The following ADD1 variants were observed in gnomAD, a reference collection of about 807,000 sequenced individuals.
The protein encoded by ADD1 is adducin 1.
A neutral mutation model predicts 80.5 loss-of-function variants in ADD1; 24 were observed. The observed-to-expected ratio is 0.30, with a 90% CI of 0.22 to 0.42. The LOEUF (loss-of-function observed/expected upper bound fraction) is 0.42. ADD1 is among the 10% of genes least tolerant of loss of function. The probability of loss-of-function intolerance (pLI) is 1.00; values close to 1 mark genes in which losing one functional copy is unlikely to be tolerated. For synonymous variants in ADD1, 373 were observed against 393.8 expected (o/e 0.95, Z 0.63); for missense variants, 948 against 1,019.0 (o/e 0.93, Z 0.95).
rs368083847 is a variant in ADD1 at position 2,925,966 on chromosome 4, T to C, written c.1949-48T>C. 5 of 1,557,374 alleles carry C rather than the reference T, an allele frequency of 3.2e-6. No homozygotes were observed. The African/African-American group carries it at 6.8e-5, about 21-fold the overall frequency. On this transcript the variant is annotated intron_variant, in intron 14 of 15. Transcript: ENST00000683351. Reference sequence around the variant, plus strand: ...TGCCATGGAGGCAGGTACAGGCTCATGGCGTGGCGTCCACAGCTCCTACCA... The same window carrying C: ...TGCCATGGAGGCAGGTACAGGCTCACGGCGTGGCGTCCACAGCTCCTACCA...
In ADD1 at chr4:2,893,961, T is replaced by C. The variant is rs1229145504; in HGVS notation, c.511-52T>C. On this transcript the variant is annotated intron_variant, in intron 4 of 15. Transcript: ENST00000683351. Reference sequence around the variant, plus strand: ...CCGTGAATTTGTAGCCTGAAAGAGATGCAAATAATTTCACTTGGATCTTTG... The same window carrying C: ...CCGTGAATTTGTAGCCTGAAAGAGACGCAAATAATTTCACTTGGATCTTTG... The C allele has an allele frequency of 5.9e-6, 9 of 1,512,968 alleles. 1 individual carries two copies. Among genetic ancestry groups the C allele is most frequent in the Non-Finnish European group, 8.3e-6 (9 of 1,088,166 alleles). 93.7% of individuals were successfully genotyped at this position (1,512,968 alleles called of 1,614,324 possible).
At chr4:2,886,102 C>T (rs1314852569) in intron 4 of ADD1, among the ~76,000 whole-genome samples, 1 of 152,110 alleles carries the variant, frequency 6.6e-6, no homozygotes, top group South Asian at 2.1e-4. Context: ...CTTTTTGTAT[C>T]AAGTGTACCT....
chr4:2,899,270 G>T lies in ADD1; in HGVS notation c.996G>T (p.Leu332=). The change falls in exon 9 of 16, where the codon CTG becomes CTT. Residue 332 remains leucine (L), a synonymous_variant. Coordinates refer to ENST00000683351, the MANE Select transcript of ADD1 (RefSeq NM_001354761.2). ...VVACEIQVRT[L]ASAGGPDNLV... ...GTGTTTTGGAAAAGGTTCGAACTCT[G>T]GCCAGTGCAGGAGGACCAGACAACT... The T allele has an allele frequency of 6.2e-7, 1 of 1,610,780 alleles. No individual in the cohort carries two copies. Among genetic ancestry groups the T allele is most frequent in the Non-Finnish European group, 8.5e-7 (1 of 1,177,294 alleles).
At chr4:2,882,102 A>C in intron 3 of ADD1, 42 bp downstream of exon 3, 1 of 1,525,028 alleles carries the variant, frequency 6.6e-7, no homozygotes, top group Non-Finnish European at 8.8e-7. Flanking sequence ...TGTAGTTTTC[A>C]GGTAAAATTT....
chr4:2,858,680 C>G (rs939465467), intron 1 of ADD1, among the ~76,000 whole-genome samples: 8 of 152,196 alleles, frequency 5.3e-5, no homozygotes, highest in Non-Finnish European at 1.0e-4. Context: ...AGTTGCTTCA[C>G]TCAGTCATTT....
chr4:2,889,557 T>G (rs986846168), intron 4 of ADD1, among the ~76,000 whole-genome samples: 1 of 151,362 alleles, frequency 6.6e-6, no homozygotes, highest in African/African-American at 2.4e-5. Context: ...CGTGGTGGCT[T>G]ATGCCTGTAA....
Position 2,926,683 on chromosome 4 carries a change from C to T in ADD1, c.2047+571C>T. On this transcript the variant is annotated intron_variant, in intron 15 of 15. Transcript: ENST00000683351. This position sits in a 1 kb window ranked among gnomAD's most constrained non-coding sequence, Gnocchi z 5.0. Reference sequence around the variant, plus strand: ...AGAGTACCTGTTACCCTAGTAAGTACCGTGCTGCCTCCGCTCTCCACCGGT... The same window carrying T: ...AGAGTACCTGTTACCCTAGTAAGTATCGTGCTGCCTCCGCTCTCCACCGGT... 1 of 1,613,624 alleles carries T rather than the reference C, an allele frequency of 6.2e-7. No individual in the cohort carries two copies.
chr4:2,886,775 C>T (rs188461685), intron 4 of ADD1, among the ~76,000 whole-genome samples: 1 of 152,308 alleles, frequency 6.6e-6, no homozygotes, highest in Admixed American at 6.5e-5. Flanking sequence ...GTTAGCCTAG[C>T]ACAAATGCCA....
intron 12 of ADD1, chr4:2,909,015 G>C: frequency 2.2e-6 from 1 of 458,774 alleles, no homozygotes; most frequent in Non-Finnish European, 4.0e-6. Flanking sequence ...GCCTGTAAGT[G>C]TGGTGCACAT....
intron 9 of ADD1, chr4:2,900,830 GT>G (rs1319925166): frequency 6.6e-6 from 1 of 152,228 alleles, no homozygotes; most frequent in Non-Finnish European, 1.5e-5. Context: ...AACTTTTTGA[GT>G]TCATATAATC....
At chr4:2,863,081 ACT>A (rs1729037381) in intron 1 of ADD1, among the ~76,000 whole-genome samples, 1 of 151,610 alleles carries the variant, frequency 6.6e-6, no homozygotes, top group Non-Finnish European at 1.5e-5. Context: ...ACAGAGCTTC[ACT>A]CTGTCACCCA....
At chr4:2,847,880 T>C (rs1485563738) in intron 1 of ADD1, among the ~76,000 whole-genome samples, 2 of 152,156 alleles carry the variant, frequency 1.3e-5, no homozygotes, top group Non-Finnish European at 2.9e-5. Flanking sequence ...GGCAACCAGA[T>C]ATGCATCTAT....
At chr4:2,871,135 A>AT (rs1184638502) in intron 1 of ADD1, among the ~76,000 whole-genome samples, 15 of 150,780 alleles carry the variant, frequency 9.9e-5, no homozygotes, top group Admixed American at 5.3e-4. Flanking sequence ...CACCCGGCTA[A>AT]TTTTTTTTTG....
Position 2,898,493 on chromosome 4 carries a change from T to G in ADD1, c.946T>G (p.Tyr316Asp). 1 of 1,614,224 alleles carries G rather than the reference T, an allele frequency of 6.2e-7. No homozygotes were observed. Among genetic ancestry groups the G allele is most frequent in the Non-Finnish European group, 8.5e-7 (1 of 1,180,050 alleles). Residue 316 changes from tyrosine (Y) to aspartate (D), a missense_variant, in exon 8 of 16, where the codon TAT (tyrosine) becomes GAT (aspartate). Physicochemically the swap from Tyr to Asp is radical, Grantham distance 160. Transcript: ENST00000683351. ...SVGESVEEAFYYIHNLVVACE... is the reference protein window; with the variant it reads ...SVGESVEEAFDYIHNLVVACE... ...TGGAGAGAGCGTTGAGGAGGCCTTC[T>G]ATTACATCCATAACCTTGTGGTTGC...
intron 1 of ADD1, among the ~76,000 whole-genome samples, chr4:2,859,586 A>G (rs1174744003): frequency 6.6e-6 from 1 of 152,270 alleles, no homozygotes; most frequent in Admixed American, 6.5e-5. Flanking sequence ...AGCCTTGGCA[A>G]CCGTGAGACC....
At chr4:2,859,307 A>G (rs77329547) in intron 1 of ADD1, among the ~76,000 whole-genome samples, 2,805 of 152,354 alleles carry the variant, frequency 0.018, 59 homozygotes, top group African/African-American at 0.046. Context: ...AAGGTTTGTC[A>G]ACCTAAATAT....
At chr4:2,904,516 T>C in intron 9 of ADD1, 1 of 560,392 alleles carries the variant, frequency 1.8e-6, no homozygotes, top group Admixed American at 3.1e-5. Context: ...ATCCATCTCC[T>C]ATATGGATGG....
chr4:2,894,871 G>T, intron 6 of ADD1, 140 bp downstream of exon 6: 1 of 955,354 alleles, frequency 1.0e-6, no homozygotes. Flanking sequence ...GTACCACTAA[G>T]TTTGACTTTC....
chr4:2,908,730 TA>T, intron 12 of ADD1, 126 bp downstream of exon 12: 1 of 789,414 alleles, frequency 1.3e-6, no homozygotes, highest in Non-Finnish European at 2.1e-6. Flanking sequence ...TTACCTTTGT[TA>T]AAACCTTCAT....
Sources: allele counts gnomAD v4.1 joint callset (sites outside exome capture counted in the v4.1 genomes callset), GRCh38; gene constraint gnomAD v4.1.1; non-coding constraint Gnocchi (gnomAD v3.1); transcripts MANE v1.5; gene names NCBI Gene and HGNC (gene_info 2026-07-23, HGNC 2026-07-21).